The following XYLT1 variants were observed in gnomAD, a reference collection of about 807,000 sequenced individuals.
The protein encoded by XYLT1 is beta-D-xylosyltransferase 1.
A neutral mutation model predicts 91.3 loss-of-function variants in XYLT1; 36 were observed. The ratio of observed to expected loss-of-function variants is 0.39; its 90% CI spans 0.30 to 0.52. The LOEUF (loss-of-function observed/expected upper bound fraction) is 0.52, where lower values mean the gene tolerates loss of function less well. Ranked by LOEUF, XYLT1 falls within the 20% of genes least tolerant of loss-of-function variation. XYLT1 has a pLI of 0.68. For synonymous variants in XYLT1, 588 were observed against 532.0 expected, an observed-to-expected ratio of 1.11 and a Z score of -1.45; for missense variants, 1,242 against 1,284.5, an observed-to-expected ratio of 0.97 and a Z score of 0.51.
At chr16:17,298,853 G>C (rs1234401042) in intron 2 of XYLT1, among the ~76,000 whole-genome samples, 1 of 152,042 alleles carries the variant, frequency 6.6e-6, no homozygotes, top group East Asian at 1.9e-4. Context: ...CAGAGGACAC[G>C]CCCTATGAGA....
intron 6 of XYLT1, among the ~76,000 whole-genome samples, chr16:17,144,430 G>GA (rs1385006204): frequency 1.3e-5 from 2 of 152,186 alleles, no homozygotes; most frequent in African/African-American, 4.8e-5. Flanking sequence ...GAGTTTCGAG[G>GA]AACTTCTGGA....
chr16:17,114,039 G>A (rs914125980), intron 11 of XYLT1, among the ~76,000 whole-genome samples: 5 of 147,184 alleles, frequency 3.4e-5, no homozygotes, highest in Non-Finnish European at 6.0e-5. Flanking sequence ...TCCACCTGCC[G>A]GGAGGGTGGT....
chr16:17,263,318 A>G (rs2033751124), intron 2 of XYLT1, among the ~76,000 whole-genome samples: 1 of 152,114 alleles, frequency 6.6e-6, no homozygotes, highest in Admixed American at 6.6e-5. Flanking sequence ...ACAATCAGAG[A>G]ATGGCCAATT....
intron 1 of XYLT1, among the ~76,000 whole-genome samples, chr16:17,383,764 T>TA (rs1400426473): frequency 6.6e-6 from 1 of 151,214 alleles, no homozygotes; most frequent in Admixed American, 6.6e-5. Context: ...TTTTTTTTTT[T>TA]GAGACGGAGT....
At chr16:17,276,365 C>T (rs1341334152) in intron 2 of XYLT1, among the ~76,000 whole-genome samples, 2 of 152,176 alleles carry the variant, frequency 1.3e-5, no homozygotes, top group Admixed American at 6.5e-5. Context: ...GCATGGCCTG[C>T]AGGACATCCA....
At chr16:17,464,489 CAAA>C (rs34575069) in intron 1 of XYLT1, among the ~76,000 whole-genome samples, 78,517 of 119,764 alleles carry the variant, frequency 0.66, 24,337 homozygotes, top group East Asian at 0.9. Flanking sequence ...AAAACTGTCT[CAAA>C]AAAAAAAAAA....
In XYLT1 at chr16:17,120,185, AT is replaced by A; in HGVS notation, c.2224-2207del. Among the ~76,000 whole-genome samples, 3 of 152,350 alleles carry A rather than the reference AT, an allele frequency of 2.0e-5. No individual in the cohort carries two copies. The East Asian group carries it at 5.8e-4, about 29-fold the overall frequency. On this transcript the variant is annotated intron_variant, in intron 10 of 11. Transcript: ENST00000261381. ...ACACAGTAGGAATTAAAAGGATACT[AT>A]TTATTGAAGGAATAAATGAATGATC...
At chr16:17,161,690 C>CTT in intron 5 of XYLT1, among the ~76,000 whole-genome samples, 1 of 151,890 alleles carries the variant, frequency 6.6e-6, no homozygotes, top group African/African-American at 2.4e-5. Context: ...CTCTCTCTCT[C>CTT]TCTCTCTCTT....
At chr16:17,236,016 G>A (rs1044087761) in intron 3 of XYLT1, among the ~76,000 whole-genome samples, 9 of 152,078 alleles carry the variant, frequency 5.9e-5, no homozygotes, top group East Asian at 3.9e-4. Context: ...ACAGGAGTGC[G>A]CCACCACACC....
chr16:17,123,011 A>G lies in XYLT1; in HGVS notation c.2223+4655T>C, dbSNP rs533945277. On this transcript the variant is annotated intron_variant, in intron 10 of 11. Transcript: ENST00000261381. ...GTATGCTTTAAGGTTGGGTAATGCAATGCCTCCAGATTTGTTCTTTTTGCT... is the reference window on the plus strand; with the variant it reads ...GTATGCTTTAAGGTTGGGTAATGCAGTGCCTCCAGATTTGTTCTTTTTGCT... 3.9e-5 allele frequency among the ~76,000 whole-genome samples: 6 copies of G among 152,270 alleles called. No homozygotes were observed. In the South Asian group the frequency reaches 1.0e-3, roughly 26 times the overall value.
At chr16:17,256,520 G>T (rs190976369) in intron 3 of XYLT1, among the ~76,000 whole-genome samples, 2 of 151,926 alleles carry the variant, frequency 1.3e-5, no homozygotes, top group African/African-American at 2.4e-5. Context: ...GTGTGATGGC[G>T]GGCGCCTGTA....
chr16:17,305,335 G>A (rs564485334), intron 2 of XYLT1, among the ~76,000 whole-genome samples: 1 of 152,098 alleles, frequency 6.6e-6, no homozygotes, highest in East Asian at 1.9e-4. Flanking sequence ...AGAGCGAACA[G>A]CAGAATGGAG....
chr16:17,389,919 G>T (rs541723322), intron 1 of XYLT1, among the ~76,000 whole-genome samples: 1 of 152,174 alleles, frequency 6.6e-6, no homozygotes, highest in African/African-American at 2.4e-5. Context: ...TTCATTTAGA[G>T]CCTGAAGTCA....
intron 1 of XYLT1, among the ~76,000 whole-genome samples, chr16:17,454,762 A>G (rs2036714219): frequency 6.6e-6 from 1 of 151,882 alleles, no homozygotes; most frequent in Non-Finnish European, 1.5e-5. Context: ...CTGGTAGCAA[A>G]CTTCTGGCCC....
chr16:17,130,820 T>C (rs2030441726), intron 9 of XYLT1, among the ~76,000 whole-genome samples: 1 of 152,184 alleles, frequency 6.6e-6, no homozygotes, highest in Admixed American at 6.5e-5. Flanking sequence ...AGCACTTTGC[T>C]TCATGCTTTC....
chr16:17,206,858 G>A (rs889805086), intron 3 of XYLT1, among the ~76,000 whole-genome samples: 2 of 152,122 alleles, frequency 1.3e-5, no homozygotes, highest in Non-Finnish European at 2.9e-5. Flanking sequence ...CAGTTGGTGC[G>A]AGAATGGAAA....
intron 3 of XYLT1, among the ~76,000 whole-genome samples, chr16:17,202,453 C>T (rs958084173): frequency 6.6e-6 from 1 of 152,192 alleles, no homozygotes; most frequent in African/African-American, 2.4e-5. Context: ...TCTCTCTGCC[C>T]TCGATTGGTG....
chr16:17,317,768 G>A (rs1323934619), intron 2 of XYLT1, among the ~76,000 whole-genome samples: 44 of 149,736 alleles, frequency 2.9e-4, no homozygotes, highest in Non-Finnish European at 1.5e-5. Context: ...CATAGCCTAT[G>A]ATGTCCTACA....
chr16:17,209,478 G>C (rs568458803), intron 3 of XYLT1, among the ~76,000 whole-genome samples: 1 of 152,296 alleles, frequency 6.6e-6, no homozygotes, highest in African/African-American at 2.4e-5. Flanking sequence ...ACAAGTACCT[G>C]TTTGAGTCAC....
Sources: allele counts gnomAD v4.1 joint callset (sites outside exome capture counted in the v4.1 genomes callset), GRCh38; gene constraint gnomAD v4.1.1; transcripts MANE v1.5; gene names NCBI Gene and HGNC (gene_info 2026-07-23, HGNC 2026-07-21).